The following PLPP2 variants were observed in gnomAD, a reference collection of about 807,000 sequenced individuals.
PLPP2 encodes phospholipid phosphatase 2, also known as PAP2-gamma.
Under a neutral mutation model 35.2 loss-of-function variants are expected in PLPP2, and 29 were observed. The ratio of observed to expected loss-of-function variants is 0.82; its 90% CI spans 0.61 to 1.12. PLPP2 has a LOEUF of 1.12. PLPP2 is among the 50% of genes most tolerant of loss of function. PLPP2 has a pLI of 0.00. For missense variants in PLPP2, 353 were observed against 375.2 expected (o/e 0.94, Z 0.49); for synonymous variants, 162 against 167.0 (o/e 0.97, Z 0.23).
chr19:287,520 G>C lies in PLPP2; in HGVS notation c.436C>G (p.Leu146Val), dbSNP rs770102753. The C allele has an allele frequency of 6.2e-7, 1 of 1,613,630 alleles. No individual in the cohort carries two copies. The highest frequency in any genetic ancestry group is 8.5e-7 in the Non-Finnish European group (1 of 1,179,964). ...GGGTTTCCCCTGCACACCTTCTCCA[G>C]CTGCACATAGACCGAGCAGTTGACC... ...SRVNCSVYVQ[L>V]EKVCRGNPAD... Residue 146 changes from leucine (L) to valine (V), a missense_variant, in exon 3 of 6, where the codon CTG (leucine) becomes GTG (valine). Physicochemically the swap from Leu to Val is conservative, Grantham distance 32. Coordinates refer to ENST00000434325, the MANE Select transcript of PLPP2 (RefSeq NM_003712.4). The surrounding 1 kb of genome is among the most constrained non-coding windows in gnomAD (Gnocchi z 4.3).
chr19:291,253 C>A, intron 1 of PLPP2, 32 bp downstream of exon 1: 1 of 1,596,406 alleles, frequency 6.3e-7, no homozygotes, highest in Non-Finnish European at 8.5e-7. Context: ...CCGGGAGGGT[C>A]CCCCCAACAC....
chr19:288,305 G>T, intron 1 of PLPP2, 134 bp from the exon 2 acceptor site: 1 of 861,820 alleles, frequency 1.2e-6, no homozygotes, highest in Non-Finnish European at 1.7e-6. Context: ...TTTTTTCACA[G>T]CCCAAATAAC....
chr19:290,795 C>T (rs1006153682), intron 1 of PLPP2, among the ~76,000 whole-genome samples: 5 of 152,184 alleles, frequency 3.3e-5, no homozygotes, highest in Admixed American at 6.5e-5. Flanking sequence ...CCTCCCCGCA[C>T]GTGCACGGGT....
chr19:291,056 G>GCGACCCCCATCC (rs1970380632), intron 1 of PLPP2: 1 of 1,290,942 alleles, frequency 7.7e-7, no homozygotes, highest in Admixed American at 4.2e-5. Flanking sequence ...CGGGCCTCTC[G>GCGACCCCCATCC]CGACCCCCAT....
rs546836599 is a variant in PLPP2 at position 290,995 on chromosome 19, C to T, written c.52+290G>A. 208 of 1,269,790 alleles carry T rather than the reference C, an allele frequency of 1.6e-4. 3 individuals are homozygous for T. The East Asian group carries it at 5.7e-3, about 35-fold the overall frequency. 78.7% of individuals were successfully genotyped at this position (1,269,790 alleles called of 1,614,324 possible). A position where few individuals can be genotyped will look rare whatever the true frequency, so the allele number is the denominator to read the frequency against. On this transcript the variant is annotated intron_variant, in intron 1 of 5. Transcript: ENST00000434325. ...CGGGATGGAGGCGCGCGCGCGGCCC[C>T]TCCGCACAGACTTCCTGCTGCCGGG...
chr19:281,859 A>C (rs1970180047), intron 5 of PLPP2: 2 of 202,886 alleles, frequency 9.9e-6, no homozygotes, highest in Non-Finnish European at 1.8e-5. Context: ...AAGGACTGGG[A>C]TTGGGGGGAA....
At position 282,796 on chromosome 19, in the gene PLPP2, A is replaced by G. The variant is rs1437001231; in HGVS notation, c.496T>C (p.Ser166Pro). Residue 166 changes from serine (S) to proline (P), a missense_variant, in exon 4 of 6, where the codon TCG becomes CCG. Ser to Pro is a moderately conservative substitution (Grantham distance 74, BLOSUM62 -1). Coordinates refer to ENST00000434325, the MANE Select transcript of PLPP2 (RefSeq NM_003712.4). ...TACATCCCAAAGGAAGAGTGTCCCGAGTAGAAAGACAACCTGAGGAAGGAG... is the reference window on the plus strand; with the variant it reads ...TACATCCCAAAGGAAGAGTGTCCCGGGTAGAAAGACAACCTGAGGAAGGAG... ...DVTEARLSFY[S>P]GHSSFGMYCM... 5.6e-6 allele frequency: 9 copies of G among 1,613,624 alleles called. No homozygotes were observed. Among genetic ancestry groups the G allele is most frequent in the Non-Finnish European group, 7.6e-6 (9 of 1,179,850 alleles).
At chr19:281,780 G>A (rs1041840964) in intron 5 of PLPP2, among the ~76,000 whole-genome samples, 4 of 148,966 alleles carry the variant, frequency 2.7e-5, no homozygotes, top group Non-Finnish European at 5.9e-5. Context: ...GAAGGACTGG[G>A]GTGCACGGAA....
chr19:284,162 T>G (rs1406658027), intron 3 of PLPP2: 1 of 152,162 alleles, frequency 6.6e-6, no homozygotes, highest in African/African-American at 2.4e-5. Context: ...GAGACCATCC[T>G]GGCCCACACG....
chr19:282,002 C>T, intron 5 of PLPP2, 132 bp downstream of exon 5: 1 of 1,034,072 alleles, frequency 9.7e-7, no homozygotes, highest in Non-Finnish European at 1.4e-6. Flanking sequence ...GGGAAGGGGT[C>T]CCAGGGAGGA....
chr19:281,365 C>G lies in PLPP2; in HGVS notation c.*23G>C. On this transcript the variant is annotated 3_prime_UTR_variant, in exon 6 of 6. Transcript: ENST00000434325. ...GGCCTCAGCTGGACTCACAGCAGCTCCCTGCCTGGGCGGGGTCCGGCCTCA... is the reference window on the plus strand; with the variant it reads ...GGCCTCAGCTGGACTCACAGCAGCTGCCTGCCTGGGCGGGGTCCGGCCTCA... 2 of 1,391,846 alleles carry G rather than the reference C, an allele frequency of 1.4e-6. No individual in the cohort carries two copies. The highest frequency in any genetic ancestry group is 1.9e-5 in the South Asian group (1 of 52,704). The allele number at this position is 1,391,846 out of a possible 1,614,324, so 86.2% of individuals were successfully genotyped here.
intron 5 of PLPP2, 48 bp from the exon 6 acceptor site, chr19:281,585 C>A: frequency 7.1e-7 from 1 of 1,408,712 alleles, no homozygotes. Flanking sequence ...TGTCCAGGTA[C>A]CAGGGACATG....
Position 291,394 on chromosome 19 carries a change from G to A in PLPP2, c.-58C>T. ...CGTCCCGTCGCGTCCCGGCCCGGCC[G>A]CGGAGTCACGTGGCGCGGAGCCCGC... On this transcript the variant is annotated 5_prime_UTR_variant, in exon 1 of 6. Transcript: ENST00000434325. 5.2e-6 allele frequency: 8 copies of A among 1,533,436 alleles called. No individual in the cohort carries two copies. The highest frequency in any genetic ancestry group is 2.3e-5 in the South Asian group (2 of 85,464). 95.0% of individuals were successfully genotyped at this position (1,533,436 alleles called of 1,614,324 possible). A position where few individuals can be genotyped will look rare whatever the true frequency, so the allele number is the denominator to read the frequency against.
intron 1 of PLPP2, 54 bp from the exon 2 acceptor site, chr19:288,225 T>C (rs1555684121): frequency 6.5e-7 from 1 of 1,527,520 alleles, no homozygotes; most frequent in African/African-American, 1.4e-5. Context: ...AGCTGGGCCT[T>C]GGGGCCCCAC....
chr19:287,206 G>C lies in PLPP2; in HGVS notation c.482+268C>G. On this transcript the variant is annotated intron_variant, in intron 3 of 5. Transcript: ENST00000434325. This position sits in a 1 kb window ranked among gnomAD's most constrained non-coding sequence, Gnocchi z 4.3. ...TATCTCATTCTATGATGATGAAATG[G>C]TCAATCTTTCAAAAATATATAACAA... The C allele has an allele frequency of 2.4e-6, 1 of 410,092 alleles. No homozygotes were observed. Among genetic ancestry groups the C allele is most frequent in the East Asian group, 4.1e-5 (1 of 24,268 alleles). 25.4% of individuals were successfully genotyped at this position (410,092 alleles called of 1,614,324 possible). A position where few individuals can be genotyped will look rare whatever the true frequency, so the allele number is the denominator to read the frequency against.
chr19:290,956 C>A (rs1406798475), intron 1 of PLPP2: 1 of 1,241,000 alleles, frequency 8.1e-7, no homozygotes, highest in South Asian at 3.7e-5. Flanking sequence ...ACTCACCTCC[C>A]AGGCCAGGCG....
rs199986084 is a variant in PLPP2 at position 288,136 on chromosome 19, C to T, written c.88G>A (p.Ala30Thr). ...CAGTAAAATCCTCGCTTGTACGGGGCGTTCACCAGCGTCAGGATAGCGAAG... is the reference window on the plus strand; with the variant it reads ...CAGTAAAATCCTCGCTTGTACGGGGTGTTCACCAGCGTCAGGATAGCGAAG... The part of the protein sequence containing the change: ...LPFAILTLVN[A>T]PYKRGFYCGD... Residue 30 changes from alanine (A) to threonine (T), a missense_variant, in exon 2 of 6, where the codon GCC (alanine) becomes ACC (threonine). Ala to Thr is a moderately conservative substitution (Grantham distance 58). Transcript: ENST00000434325. 5.3e-4 allele frequency: 850 copies of T among 1,605,268 alleles called. No homozygotes were observed. The highest frequency in any genetic ancestry group is 6.7e-4 in the Non-Finnish European group (786 of 1,174,088).
intron 1 of PLPP2, among the ~76,000 whole-genome samples, chr19:289,544 A>AGT (rs1970342641): frequency 6.6e-6 from 1 of 151,902 alleles, no homozygotes; most frequent in African/African-American, 2.4e-5. Flanking sequence ...TGAAACCCCA[A>AGT]CTCTACTAAA....
At position 290,801 on chromosome 19, in the gene PLPP2, C is replaced by T. The variant is rs1053052277; in HGVS notation, c.52+484G>A. The T allele has an allele frequency of 4.4e-4, 285 of 642,224 alleles. 1 individual carries two copies. In the East Asian group the frequency reaches 6.3e-3, roughly 14 times the overall value. The allele number at this position is 642,224 out of a possible 1,614,324, so 39.8% of individuals were successfully genotyped here. A position where few individuals can be genotyped will look rare whatever the true frequency, so the allele number is the denominator to read the frequency against. On this transcript the variant is annotated intron_variant, in intron 1 of 5. Coordinates refer to ENST00000434325, the MANE Select transcript of PLPP2 (RefSeq NM_003712.4). ...GCGGCTGGGCCTCCCCGCACGTGCACGGGTTCGAATCCCGCCGACGCACCG... is the reference window on the plus strand; with the variant it reads ...GCGGCTGGGCCTCCCCGCACGTGCATGGGTTCGAATCCCGCCGACGCACCG...
Sources: allele counts gnomAD v4.1 joint callset (sites outside exome capture counted in the v4.1 genomes callset), GRCh38; gene constraint gnomAD v4.1.1; non-coding constraint Gnocchi (gnomAD v3.1); transcripts MANE v1.5; gene names NCBI Gene and HGNC (gene_info 2026-07-23, HGNC 2026-07-21).